UBAP1: variants seen among roughly 807,000 people sequenced by gnomAD.
UBAP1 encodes ubiquitin-associated protein 1.
A neutral mutation model predicts 39.0 loss-of-function variants in UBAP1; 5 were observed. That is an observed-to-expected ratio of 0.13 (90% confidence interval 0.07 to 0.27). The LOEUF is 0.27. Among genes scored for constraint, UBAP1 ranks in the 10% least tolerant of loss-of-function variants. The pLI is 1.00. For synonymous variants in UBAP1, 211 were observed against 225.1 expected (o/e 0.94, Z 0.56); for missense variants, 490 against 608.1 (o/e 0.81, Z 2.04).
chr9:34,193,552 G>C (rs1234724407), intron 1 of UBAP1, among the ~76,000 whole-genome samples: 2 of 152,092 alleles, frequency 1.3e-5, no homozygotes, highest in African/African-American at 4.8e-5. Flanking sequence ...TGGGGCCCTG[G>C]ATCTTATGAC....
chr9:34,233,967 G>A (rs1833557021), intron 2 of UBAP1, among the ~76,000 whole-genome samples: 2 of 152,308 alleles, frequency 1.3e-5, no homozygotes, highest in East Asian at 1.9e-4. Flanking sequence ...CAGAGAGGCT[G>A]TGGGTGATGT....
At chr9:34,194,473 C>T (rs541350047) in intron 1 of UBAP1, among the ~76,000 whole-genome samples, 1 of 152,156 alleles carries the variant, frequency 6.6e-6, no homozygotes, top group East Asian at 1.9e-4. Context: ...TGCCACCATG[C>T]CCGGCTAATT....
intron 3 of UBAP1, among the ~76,000 whole-genome samples, chr9:34,237,136 A>C (rs1397823889): frequency 6.6e-6 from 1 of 152,152 alleles, no homozygotes; most frequent in Non-Finnish European, 1.5e-5. Context: ...AAATGTACTG[A>C]GTTACTCCTT....
intron 1 of UBAP1, among the ~76,000 whole-genome samples, chr9:34,200,568 T>C (rs1188156238): frequency 6.6e-6 from 1 of 152,252 alleles, no homozygotes; most frequent in Non-Finnish European, 1.5e-5. Flanking sequence ...TTGTAGCATT[T>C]AGAGCTATAT....
At chr9:34,192,891 A>G (rs1001685951) in intron 1 of UBAP1, among the ~76,000 whole-genome samples, 5 of 93,570 alleles carry the variant, frequency 5.3e-5, no homozygotes, top group Non-Finnish European at 1.0e-4. Context: ...GTTCTTTACA[A>G]CTATAATTAC....
At chr9:34,243,842 T>C (rs1255744840) in intron 4 of UBAP1, among the ~76,000 whole-genome samples, 2 of 151,942 alleles carry the variant, frequency 1.3e-5, no homozygotes, top group African/African-American at 2.4e-5. Flanking sequence ...GTAGATCTTA[T>C]TCTATTTTTT....
intron 1 of UBAP1, among the ~76,000 whole-genome samples, chr9:34,200,354 T>C (rs1328031732): frequency 1.3e-5 from 2 of 152,230 alleles, no homozygotes; most frequent in Non-Finnish European, 2.9e-5. Flanking sequence ...CTCCAGAGAA[T>C]AGGGCTTGTT....
At chr9:34,249,499 G>A (rs1395382639) in intron 4 of UBAP1, among the ~76,000 whole-genome samples, 1 of 152,176 alleles carries the variant, frequency 6.6e-6, no homozygotes, top group Non-Finnish European at 1.5e-5. Flanking sequence ...GGCCTGTCGT[G>A]TTGTGGCGCT....
intron 1 of UBAP1, among the ~76,000 whole-genome samples, chr9:34,199,883 C>T (rs1353518596): frequency 2.6e-5 from 4 of 151,080 alleles, no homozygotes; most frequent in Non-Finnish European, 2.9e-5. Flanking sequence ...TTAAGAGATC[C>T]GATCCTTCTG....
intron 1 of UBAP1, among the ~76,000 whole-genome samples, chr9:34,213,501 ACT>A (rs567864326): frequency 2.0e-5 from 3 of 152,130 alleles, no homozygotes; most frequent in South Asian, 4.2e-4. Context: ...ACAGAGCGAG[ACT>A]CTGTCTCAAA....
chr9:34,236,624 C>T (rs1181225955), intron 3 of UBAP1, among the ~76,000 whole-genome samples: 2 of 152,072 alleles, frequency 1.3e-5, no homozygotes, highest in African/African-American at 4.8e-5. Context: ...CTGCTAATGT[C>T]CTCATTCTCT....
chr9:34,207,220 A>G (rs914435273), intron 1 of UBAP1, among the ~76,000 whole-genome samples: 3 of 150,642 alleles, frequency 2.0e-5, no homozygotes, highest in African/African-American at 7.3e-5. Flanking sequence ...TAATTTTTGT[A>G]TTTTTAGTAG....
intron 1 of UBAP1, 149 bp downstream of exon 1, chr9:34,179,389 C>T (rs1829889942): frequency 1.8e-6 from 1 of 567,982 alleles, no homozygotes; most frequent in Admixed American, 4.4e-5. Flanking sequence ...GGCCGGAGAT[C>T]CGCGATTCGG....
intron 2 of UBAP1, among the ~76,000 whole-genome samples, chr9:34,228,278 C>T (rs1202900702): frequency 1.3e-5 from 2 of 151,616 alleles, no homozygotes; most frequent in Non-Finnish European, 2.9e-5. Context: ...ATTAGCCAGG[C>T]GTGGTGGCAG....
chr9:34,238,199 TTATTTTTG>T (rs1409512020), intron 3 of UBAP1, among the ~76,000 whole-genome samples: 1 of 152,218 alleles, frequency 6.6e-6, no homozygotes, highest in Non-Finnish European at 1.5e-5. Flanking sequence ...AGTACTTCAT[TTATTTTTG>T]TAGGTGAATA....
chr9:34,182,725 CTCCT>C (rs1223229127), intron 1 of UBAP1, among the ~76,000 whole-genome samples: 5 of 142,212 alleles, frequency 3.5e-5, no homozygotes, highest in Non-Finnish European at 7.7e-5. Flanking sequence ...CTTTCTCTCT[CTCCT>C]TTCTTTCTTT....
intron 1 of UBAP1, among the ~76,000 whole-genome samples, chr9:34,192,909 T>C (rs1587797058): frequency 6.7e-6 from 1 of 149,174 alleles, no homozygotes; most frequent in Non-Finnish European, 1.5e-5. Flanking sequence ...TACTTATTTT[T>C]CTATATTGGA....
chr9:34,249,333 G>A (rs993673969), intron 4 of UBAP1, among the ~76,000 whole-genome samples: 9 of 152,178 alleles, frequency 5.9e-5, no homozygotes, highest in African/African-American at 2.2e-4. Flanking sequence ...CTCCAAAGTG[G>A]GAGTATTTGA....
intron 1 of UBAP1, among the ~76,000 whole-genome samples, chr9:34,217,449 T>C (rs1247229894): frequency 3.3e-5 from 5 of 152,182 alleles, no homozygotes; most frequent in African/African-American, 4.8e-5. Flanking sequence ...TTGGCCAGGC[T>C]GGTCTCGAAT....
Sources: allele counts gnomAD v4.1 joint callset (sites outside exome capture counted in the v4.1 genomes callset), GRCh38; gene constraint gnomAD v4.1.1; transcripts MANE v1.5; gene names NCBI Gene and HGNC (gene_info 2026-07-23, HGNC 2026-07-21).